SVEP1: variants seen among roughly 807,000 people sequenced by gnomAD.
The protein encoded by SVEP1 is sushi, von Willebrand factor type A, EGF and pentraxin domain containing 1, also known as sushi, von Willebrand factor type A, EGF and pentraxin domain-containing protein 1.
In SVEP1, 164 loss-of-function variants were observed where a neutral mutation model predicts 367.3. The observed-to-expected ratio is 0.45, with a 90% CI of 0.39 to 0.51. The LOEUF (loss-of-function observed/expected upper bound fraction) is 0.51. Among genes scored for constraint, SVEP1 ranks in the 20% least tolerant of loss-of-function variants. SVEP1 has a pLI of 0.00. For missense variants in SVEP1, 4,117 were observed against 4,425.3 expected (o/e 0.93, Z 1.98); for synonymous variants, 1,666 against 1,611.6 (o/e 1.03, Z -0.81).
At chr9:110,543,700 T>C (rs748920408) in intron 3 of SVEP1, among the ~76,000 whole-genome samples, 1 of 152,084 alleles carries the variant, frequency 6.6e-6, no homozygotes, top group Admixed American at 6.6e-5. Flanking sequence ...AGGGAGCAGT[T>C]CAGTCTAGGA....
intron 5 of SVEP1, among the ~76,000 whole-genome samples, chr9:110,505,670 TA>T (rs1449923808): frequency 2.0e-5 from 3 of 152,116 alleles, no homozygotes; most frequent in African/African-American, 7.2e-5. Flanking sequence ...TAACCTTTTT[TA>T]AATTCTCTCT....
chr9:110,563,246 G>A (rs911110477), intron 1 of SVEP1, among the ~76,000 whole-genome samples: 3 of 151,904 alleles, frequency 2.0e-5, no homozygotes, highest in Non-Finnish European at 2.9e-5. Flanking sequence ...TTTTCATTAC[G>A]CAACTTTAAA....
chr9:110,516,311 C>T (rs1829803405), intron 3 of SVEP1, among the ~76,000 whole-genome samples: 2 of 151,256 alleles, frequency 1.3e-5, no homozygotes, highest in Admixed American at 6.6e-5. Flanking sequence ...ATTTGAAAAG[C>T]CATGCTTCTA....
intron 40 of SVEP1, among the ~76,000 whole-genome samples, chr9:110,393,858 G>C (rs965294625): frequency 2.6e-5 from 4 of 152,216 alleles, no homozygotes; most frequent in East Asian, 1.9e-4. Flanking sequence ...AAAGCAGCCA[G>C]GAAGCTTGAA....
intron 1 of SVEP1, among the ~76,000 whole-genome samples, chr9:110,562,631 G>A (rs1415623497): frequency 6.6e-6 from 1 of 152,136 alleles, no homozygotes; most frequent in East Asian, 1.9e-4. Context: ...CCAAAATCAT[G>A]CCTGAAGCAT....
intron 5 of SVEP1, among the ~76,000 whole-genome samples, chr9:110,511,488 CTTTTTTTTTTTTTTTTTTTTTTTTTTTT>C (rs199993986): frequency 1.3e-5 from 1 of 77,552 alleles, no homozygotes; most frequent in Admixed American, 1.4e-4. Flanking sequence ...GTGTCAGTAC[CTTTTTTTTTTTTTTTTTTTTTTTTTTTT>C]TTTTTTTTTT....
intron 8 of SVEP1, among the ~76,000 whole-genome samples, chr9:110,493,039 G>A (rs1359448944): frequency 6.6e-6 from 1 of 152,056 alleles, no homozygotes; most frequent in Non-Finnish European, 1.5e-5. Flanking sequence ...TGTTGGCATG[G>A]TGAAGTGACA....
chr9:110,435,187 C>G, intron 29 of SVEP1, 54 bp downstream of exon 29: 1 of 1,588,644 alleles, frequency 6.3e-7, no homozygotes, highest in Non-Finnish European at 8.6e-7. Context: ...TTTTGCTAGA[C>G]AGTCCCAGGG....
At chr9:110,520,097 T>A (rs966341702) in intron 3 of SVEP1, among the ~76,000 whole-genome samples, 4 of 152,150 alleles carry the variant, frequency 2.6e-5, no homozygotes, top group African/African-American at 9.7e-5. Context: ...ATCTTTTAAA[T>A]AATCAAGAGT....
At chr9:110,389,664 T>C (rs1244164203) in intron 40 of SVEP1, 77 bp from the exon 41 acceptor site, 1 of 1,542,504 alleles carries the variant, frequency 6.5e-7, no homozygotes. Flanking sequence ...AAAGTAATCT[T>C]AGCTATGGCC....
intron 17 of SVEP1, among the ~76,000 whole-genome samples, chr9:110,466,726 A>G (rs1828943121): frequency 9.2e-6 from 1 of 108,136 alleles, no homozygotes; most frequent in Non-Finnish European, 1.7e-5. Context: ...CCGCCACTGC[A>G]CTCCAGCCTG....
Position 110,497,369 on chromosome 9 carries a change from C to A in SVEP1, c.1682-436G>T, listed in dbSNP as rs79191814. Among the ~76,000 whole-genome samples, 497 of 152,266 alleles carry A rather than the reference C, an allele frequency of 3.3e-3. 2 individuals carry two copies. The highest frequency in any genetic ancestry group is 5.9e-3 in the Admixed American group (90 of 15,286). On this transcript the variant is annotated intron_variant, in intron 7 of 47. Transcript: ENST00000374469. Reference sequence around the variant, plus strand: ...TGATTCTCCAGGCCCATTTGAGGTCCCCACTCCACAAGTTCCCATAGCCCT... The same window carrying A: ...TGATTCTCCAGGCCCATTTGAGGTCACCACTCCACAAGTTCCCATAGCCCT...
Position 110,407,765 on chromosome 9 carries a change from T to C in SVEP1, c.7835A>G (p.Asp2612Gly), listed in dbSNP as rs771522150. The stretch of plus-strand genomic sequence containing the variant: ...ATCTATATGAGGAGGGAGGCCACAG[T>C]CTATTGGCATACATGTTGGGATGGA... ...SSSIPTCMPI[D>G]CGLPPHIDFG... The change falls in exon 38 of 48, where the codon GAC becomes GGC. Residue 2612 changes from aspartate (D) to glycine (G), a missense_variant. By Grantham distance (94) the Asp-to-Gly change is moderately conservative. Around this residue, in one of 4 missense-constraint regions of SVEP1, gnomAD observed 1,765 missense variants for 1,781.1 expected, o/e 0.99. Coordinates refer to ENST00000374469, the MANE Select transcript of SVEP1 (RefSeq NM_153366.4). 6 of 1,613,864 alleles carry C rather than the reference T, an allele frequency of 3.7e-6. No individual in the cohort carries two copies. The African/African-American group carries it at 8.0e-5, about 22-fold the overall frequency.
Position 110,390,370 on chromosome 9 carries a change from T to TATACACATA in SVEP1, c.9823-784_9823-783insTATGTGTAT, listed in dbSNP as rs1406748869. On this transcript the variant is annotated intron_variant, in intron 40 of 47. Transcript: ENST00000374469. ...ATACACTTATATATATATACTTATA[T>TATACACATA]CTACTTATATATATATATACTTATA... Among the ~76,000 whole-genome samples, 39 of 86,422 alleles carry TATACACATA rather than the reference T, an allele frequency of 4.5e-4. 1 individual carries two copies. The highest frequency in any genetic ancestry group is 6.9e-4 in the Non-Finnish European group (27 of 38,998). The allele number at this position is 86,422 out of a possible 152,430, so 56.7% of individuals were successfully genotyped here.
intron 40 of SVEP1, among the ~76,000 whole-genome samples, chr9:110,397,542 G>C (rs1048384376): frequency 2.0e-5 from 3 of 152,170 alleles, no homozygotes; most frequent in African/African-American, 7.2e-5. Flanking sequence ...TAGGAAAAGA[G>C]GAAGTCAAAT....
chr9:110,391,271 CTT>C lies in SVEP1; in HGVS notation c.9823-1686_9823-1685del, dbSNP rs35309188. ...AACCTGATGGGTCATTACTTTTTGT[CTT>C]TTTTTTTTTTTTTTTGAGACAGAGT... is the stretch of plus-strand genomic sequence containing the variant. On this transcript the variant is annotated intron_variant, in intron 40 of 47. Coordinates refer to ENST00000374469, the MANE Select transcript of SVEP1 (RefSeq NM_153366.4). Among the ~76,000 whole-genome samples the C allele has an allele frequency of 4.9e-3, 608 of 125,204 alleles. 2 individuals carry two copies. Among genetic ancestry groups the C allele is most frequent in the Middle Eastern group, 0.012 (3 of 244 alleles). The allele number at this position is 125,204 out of a possible 152,430, so 82.1% of individuals were successfully genotyped here.
At position 110,408,007 on chromosome 9, in the gene SVEP1, T is replaced by A; in HGVS notation, c.7593A>T (p.Glu2531Asp). ...TYSCNRGFRL[E>D]GPSALTCLET... ...CTAAACAGGTCAAGGCACTGGGACCTTCGAGCCGAAAGCCTCGGTTGCAAG... is the reference window on the plus strand; with the variant it reads ...CTAAACAGGTCAAGGCACTGGGACCATCGAGCCGAAAGCCTCGGTTGCAAG... The change falls in exon 38 of 48, where the codon GAA becomes GAT. Residue 2531 changes from glutamate (E) to aspartate (D), a missense_variant. By Grantham distance (45) the Glu-to-Asp change is conservative (BLOSUM62 2). Around this residue, in one of 4 missense-constraint regions of SVEP1, gnomAD observed 1,765 missense variants for 1,781.1 expected, o/e 0.99. Transcript: ENST00000374469. 6.8e-6 allele frequency: 11 copies of A among 1,614,010 alleles called. No homozygotes were observed. The highest frequency in any genetic ancestry group is 9.3e-6 in the Non-Finnish European group (11 of 1,179,874).
intron 39 of SVEP1, 46 bp downstream of exon 39, chr9:110,404,281 T>C (rs905747831): frequency 3.2e-6 from 5 of 1,560,818 alleles, no homozygotes; most frequent in Non-Finnish European, 4.4e-6. Context: ...CTTGGCAATA[T>C]ATGTATATGT....
chr9:110,547,906 G>A (rs761980548), intron 2 of SVEP1, among the ~76,000 whole-genome samples: 9 of 152,160 alleles, frequency 5.9e-5, no homozygotes, highest in Non-Finnish European at 1.3e-4. Context: ...TATTAGTTTA[G>A]TGTAATAAAT....
Sources: allele counts gnomAD v4.1 joint callset (sites outside exome capture counted in the v4.1 genomes callset), GRCh38; gene constraint gnomAD v4.1.1; regional missense constraint gnomAD v4.1.1; transcripts MANE v1.5; gene names NCBI Gene and HGNC (gene_info 2026-07-23, HGNC 2026-07-21).